Variants in CPHXL observed in about 807,000 individuals in gnomAD.
CPHXL encodes the protein cytoplasmic polyadenylated homeobox like.
rs909754370 is a variant in CPHXL, at chr16:75,714,302, G to T, written c.1140C>A (p.Asp380Glu). Residue 380 changes from aspartate to glutamate, a missense_variant, in exon 3 of 3, where the codon GAC becomes GAA. By Grantham distance (45) the Asp-to-Glu change is conservative. Coordinates refer to ENST00000640559, the MANE Select transcript of CPHXL (RefSeq NM_001355613.1). Reference sequence around the variant, plus strand: ...CTTGCCCCAGAGGCAGAAGGGGTGAGTCGGCAGCTATTTGGAGAGACATGT... The same window carrying T: ...CTTGCCCCAGAGGCAGAAGGGGTGATTCGGCAGCTATTTGGAGAGACATGT... ...LQHMSLQIAADSPLLPLGQDM... is the reference protein window; with the variant it reads ...LQHMSLQIAAESPLLPLGQDM... 1.5e-5 allele frequency: 6 copies of T among 398,648 alleles called. No individual in the cohort carries two copies. Among genetic ancestry groups the T allele is most frequent in the Non-Finnish European group, 2.7e-5 (6 of 226,102 alleles). 24.7% of individuals were successfully genotyped at this position (398,648 alleles called of 1,614,324 possible). A position where few individuals can be genotyped will look rare whatever the true frequency, so the allele number is the denominator to read the frequency against.
intron 1 of CPHXL, among the ~76,000 whole-genome samples, chr16:75,722,841 A>G (rs1959497780): frequency 6.6e-6 from 1 of 152,250 alleles, no homozygotes; most frequent in Admixed American, 6.5e-5. Flanking sequence ...CATTGATGCA[A>G]AAATCCTCAA....
At chr16:75,721,797 TA>T (rs1030906503) in intron 1 of CPHXL, among the ~76,000 whole-genome samples, 5 of 152,164 alleles carry the variant, frequency 3.3e-5, no homozygotes, top group Admixed American at 3.3e-4. Context: ...CAACAGAATA[TA>T]CATTCTTCTC....
Position 75,726,458 on chromosome 16 carries a change from C to G in CPHXL, c.-16G>C, listed in dbSNP as rs553371117. On this transcript the variant is annotated 5_prime_UTR_variant, in exon 1 of 3. Transcript: ENST00000640559. ...CCAAATTCATCTTGGGGTAGAAGAC[C>G]TGGACTTCACGGAGACCAGCAAGCA... 5.0e-6 allele frequency: 2 copies of G among 398,580 alleles called. No homozygotes were observed. Among genetic ancestry groups the G allele is most frequent in the Non-Finnish European group, 8.8e-6 (2 of 226,066 alleles). 24.7% of individuals were successfully genotyped at this position (398,580 alleles called of 1,614,324 possible). A position where few individuals can be genotyped will look rare whatever the true frequency, so the allele number is the denominator to read the frequency against.
intron 1 of CPHXL, among the ~76,000 whole-genome samples, chr16:75,721,957 A>C (rs1959483657): frequency 6.6e-6 from 1 of 152,222 alleles, no homozygotes; most frequent in African/African-American, 2.4e-5. Flanking sequence ...AACTCACTCA[A>C]AACTGCTCAA....
chr16:75,726,323 T>C, intron 1 of CPHXL, 95 bp downstream of exon 1: 1 of 398,294 alleles, frequency 2.5e-6, no homozygotes, highest in East Asian at 3.6e-5. Flanking sequence ...GCTCCAACAA[T>C]CTGTACCTCT....
rs148900818 is a variant in CPHXL, at chr16:75,719,990, C to T, written c.26-1532G>A. On this transcript the variant is annotated intron_variant, in intron 1 of 2. Coordinates refer to ENST00000640559, the MANE Select transcript of CPHXL (RefSeq NM_001355613.1). Reference sequence around the variant, plus strand: ...CCTCTGCTGCTGATACCCAGTCAAACAGGGTCTGGAGTGGACCTCCGGCAA... The same window carrying T: ...CCTCTGCTGCTGATACCCAGTCAAATAGGGTCTGGAGTGGACCTCCGGCAA... Among the ~76,000 whole-genome samples, 1,085 of 152,306 alleles carry T rather than the reference C, an allele frequency of 7.1e-3. 13 individuals are homozygous for T. The highest frequency in any genetic ancestry group is 0.024 in the African/African-American group (1,018 of 41,564).
chr16:75,714,721 A>T lies in CPHXL; in HGVS notation c.721T>A (p.Tyr241Asn), dbSNP rs1419188771. 2.5e-6 allele frequency: 1 copy of T among 398,584 alleles called. No individual in the cohort carries two copies. The highest frequency in any genetic ancestry group is 3.6e-5 in the East Asian group (1 of 28,090). 24.7% of individuals were successfully genotyped at this position (398,584 alleles called of 1,614,324 possible). The change falls in exon 3 of 3, where the codon TAT becomes AAT. Residue 241 changes from tyrosine to asparagine, a missense_variant. Physicochemically the swap from Tyr to Asn is moderately radical, Grantham distance 143 (BLOSUM62 -2). Transcript: ENST00000640559. ...GHSGSGHSTA[Y>N]HFLSYNSAEC... ...GCAGAGTTGTAGCTGAGAAAATGAT[A>T]GGCAGTAGAATGCCCACTTCCAGAA...
At chr16:75,725,774 T>TTTTTTTTTTTTTTTTC (rs1959550426) in intron 1 of CPHXL, among the ~76,000 whole-genome samples, 1 of 138,698 alleles carries the variant, frequency 7.2e-6, no homozygotes, top group Admixed American at 7.8e-5. Flanking sequence ...TTTTTTTTTT[T>TTTTTTTTTTTTTTTTC]TTTTTTTTTA....
At chr16:75,725,097 G>A (rs1959535566) in intron 1 of CPHXL, among the ~76,000 whole-genome samples, 1 of 150,400 alleles carries the variant, frequency 6.6e-6, no homozygotes, top group Non-Finnish European at 1.5e-5. Context: ...GACACAGGAA[G>A]GGGAACATCA....
intron 2 of CPHXL, among the ~76,000 whole-genome samples, chr16:75,717,946 G>C (rs1959417067): frequency 6.6e-6 from 1 of 152,144 alleles, no homozygotes; most frequent in African/African-American, 2.4e-5. Context: ...GGAACAGCTG[G>C]ATGTGGTGAC....
At chr16:75,725,753 CTTTTTTTTTTTTTTTTTTTT>C (rs35659823) in intron 1 of CPHXL, among the ~76,000 whole-genome samples, 1 of 43,294 alleles carries the variant, frequency 2.3e-5, no homozygotes, top group African/African-American at 9.9e-5. Flanking sequence ...TGCCCGGCGT[CTTTTTTTTTTTTTTTTTTTT>C]TTTTTTTTTT....
chr16:75,726,378 G>A, intron 1 of CPHXL, 40 bp downstream of exon 1: 1 of 398,530 alleles, frequency 2.5e-6, no homozygotes. Flanking sequence ...AAAAAGCAAG[G>A]GAAGTAGCAT....
In CPHXL at chr16:75,714,778, T is replaced by G. The variant is rs1959366117; in HGVS notation, c.664A>C (p.Met222Leu). 1 of 398,642 alleles carries G rather than the reference T, an allele frequency of 2.5e-6. No individual in the cohort carries two copies. The highest frequency in any genetic ancestry group is 4.4e-6 in the Non-Finnish European group (1 of 226,074). The allele number at this position is 398,642 out of a possible 1,614,324, so 24.7% of individuals were successfully genotyped here. The change falls in exon 3 of 3, where the codon ATG (methionine) becomes CTG (leucine). Residue 222 changes from methionine to leucine, a missense_variant. By Grantham distance (15) the Met-to-Leu change is conservative (BLOSUM62 2). Transcript: ENST00000640559. ...TGTEKHPGCA[M>L]GYGGDTGSGH... The stretch of plus-strand genomic sequence containing the variant: ...CTTCCTGTGTCACCTCCATACCCCA[T>G]AGCACAGCCTGGATGCTTTTCAGTG...
intron 1 of CPHXL, among the ~76,000 whole-genome samples, chr16:75,719,962 C>T (rs1026581945): frequency 6.6e-6 from 1 of 152,178 alleles, no homozygotes; most frequent in African/African-American, 2.4e-5. Context: ...TGCTGTTCTG[C>T]AGCCTCTGCT....
intron 1 of CPHXL, among the ~76,000 whole-genome samples, chr16:75,721,017 A>G (rs1167400395): frequency 6.6e-6 from 1 of 152,232 alleles, no homozygotes; most frequent in Non-Finnish European, 1.5e-5. Flanking sequence ...TCATAAGTGA[A>G]GGAGAAATAA....
At position 75,718,401 on chromosome 16, in the gene CPHXL, T is replaced by C. The variant is rs1959424671; in HGVS notation, c.83A>G (p.Lys28Arg). Reference sequence around the variant, plus strand: ...AGAAAATTTATGTCGGTGTTTTGTTTTTCTTTTATTCTTTGTTTGTCTTTC... The same window carrying C: ...AGAAAATTTATGTCGGTGTTTTGTTCTTCTTTTATTCTTTGTTTGTCTTTC... ...NEERQTKNKR[K>R]TKHRHKFSEE... is the part of the protein sequence containing the mutation. Residue 28 changes from lysine (K) to arginine (R), a missense_variant, in exon 2 of 3, where the codon AAA becomes AGA. Transcript: ENST00000640559. 2.5e-6 allele frequency: 1 copy of C among 398,632 alleles called. No homozygotes were observed. The allele number at this position is 398,632 out of a possible 1,614,324, so 24.7% of individuals were successfully genotyped here. A position where few individuals can be genotyped will look rare whatever the true frequency, so the allele number is the denominator to read the frequency against.
At chr16:75,719,494 C>G (rs1229210045) in intron 1 of CPHXL, among the ~76,000 whole-genome samples, 1 of 152,162 alleles carries the variant, frequency 6.6e-6, no homozygotes, top group Non-Finnish European at 1.5e-5. Context: ...GCCCATGGAG[C>G]CTCGCTCACT....
At chr16:75,715,509 C>A (rs912251743) in intron 2 of CPHXL, among the ~76,000 whole-genome samples, 2 of 152,176 alleles carry the variant, frequency 1.3e-5, no homozygotes, top group African/African-American at 4.8e-5. Context: ...CTCTCCCCAA[C>A]CTGTTTGTGA....
intron 1 of CPHXL, among the ~76,000 whole-genome samples, chr16:75,719,924 G>A (rs1959451073): frequency 6.6e-6 from 1 of 152,054 alleles, no homozygotes; most frequent in South Asian, 2.1e-4. Flanking sequence ...GAACGATCAG[G>A]CAGCAACATT....
Sources: allele counts gnomAD v4.1 joint callset (sites outside exome capture counted in the v4.1 genomes callset), GRCh38; gene constraint gnomAD v4.1.1; transcripts MANE v1.5; gene names NCBI Gene and HGNC (gene_info 2026-07-23, HGNC 2026-07-21).